The following CACNA1D variants were observed in gnomAD, a reference collection of about 807,000 sequenced individuals.
The protein encoded by CACNA1D is calcium voltage-gated channel subunit alpha1 D.
In CACNA1D, 55 loss-of-function variants were observed where a neutral mutation model predicts 257.1. The ratio of observed to expected loss-of-function variants is 0.21; its 90% CI spans 0.17 to 0.27. The LOEUF (loss-of-function observed/expected upper bound fraction) is 0.27. Among genes scored for constraint, CACNA1D ranks in the 10% least tolerant of loss-of-function variants. The pLI, the probability that CACNA1D is intolerant of heterozygous loss-of-function variation, is 1.00. For missense variants in CACNA1D, 1,876 were observed against 2,784.0 expected (o/e 0.67, Z 7.34); for synonymous variants, 980 against 1,014.9 (o/e 0.97, Z 0.65).
intron 40 of CACNA1D, chr3:53,792,397 C>G (rs947073079): frequency 6.6e-6 from 1 of 152,122 alleles, no homozygotes; most frequent in Non-Finnish European, 1.5e-5. Flanking sequence ...TCAAAGTAGC[C>G]ATAGTGCAGA....
intron 17 of CACNA1D, 43 bp from the exon 18 acceptor site, chr3:53,731,973 T>C: frequency 1.6e-6 from 2 of 1,289,550 alleles, no homozygotes; most frequent in Non-Finnish European, 2.3e-6. Context: ...GAAGTGATTT[T>C]AAGTCAGTCT....
chr3:53,665,617 T>G lies in CACNA1D; in HGVS notation c.767-43T>G, dbSNP rs1160869693. The G allele has an allele frequency of 2.0e-6, 3 of 1,514,810 alleles. No homozygotes were observed. The South Asian group carries it at 3.4e-5, about 17-fold the overall frequency. 93.8% of individuals were successfully genotyped at this position (1,514,810 alleles called of 1,614,324 possible). On this transcript the variant is annotated intron_variant, in intron 5 of 47. Coordinates refer to ENST00000350061, the MANE Select transcript of CACNA1D (RefSeq NM_001128840.3). Reference sequence around the variant, plus strand: ...GAATTATATATATGATTCATTGGAGTGCCTTCCTGGCTCACAAACTTATTT... The same window carrying G: ...GAATTATATATATGATTCATTGGAGGGCCTTCCTGGCTCACAAACTTATTT...
At chr3:53,674,434 T>G (rs974757612) in intron 8 of CACNA1D, among the ~76,000 whole-genome samples, 1 of 152,266 alleles carries the variant, frequency 6.6e-6, no homozygotes, top group African/African-American at 2.4e-5. Context: ...TGCAGAGTGA[T>G]GATCGACTTT....
intron 9 of CACNA1D, among the ~76,000 whole-genome samples, chr3:53,705,495 G>A (rs1238834112): frequency 2.6e-5 from 4 of 152,172 alleles, no homozygotes; most frequent in East Asian, 1.9e-4. Flanking sequence ...GCTATGCACC[G>A]TGATGTGTGA....
At chr3:53,809,567 C>T in intron 46 of CACNA1D, 1 of 289,268 alleles carries the variant, frequency 3.5e-6, no homozygotes, top group Admixed American at 4.5e-5. Context: ...TACTCCAGAG[C>T]AAAGAGAACC....
intron 45 of CACNA1D, 62 bp downstream of exon 45, chr3:53,805,208 C>G: frequency 1.3e-6 from 2 of 1,503,240 alleles, no homozygotes; most frequent in Non-Finnish European, 1.8e-6. Flanking sequence ...TCTCCCCCAA[C>G]CCCCGCTCTG....
At chr3:53,808,959 A>G (rs1469827304) in intron 46 of CACNA1D, 189 bp downstream of exon 46, 2 of 637,900 alleles carry the variant, frequency 3.1e-6, no homozygotes, top group Admixed American at 5.9e-5. Flanking sequence ...GCCCAAGCTC[A>G]CACAAGTGAC....
chr3:53,749,133 C>T, intron 26 of CACNA1D, 135 bp from the exon 27 acceptor site: 1 of 719,646 alleles, frequency 1.4e-6, no homozygotes, highest in Non-Finnish European at 2.5e-6. Flanking sequence ...CTGGTTGTGT[C>T]CAGCAGCCTT....
chr3:53,680,985 T>G (rs1274287596), intron 8 of CACNA1D, among the ~76,000 whole-genome samples: 1 of 151,342 alleles, frequency 6.6e-6, no homozygotes, highest in Non-Finnish European at 1.5e-5. Context: ...GGATTTCATT[T>G]TAATGTTTCA....
intron 9 of CACNA1D, among the ~76,000 whole-genome samples, chr3:53,708,269 C>T (rs1197728894): frequency 2.0e-5 from 3 of 152,228 alleles, no homozygotes; most frequent in Non-Finnish European, 2.9e-5. Context: ...CATTGAACTA[C>T]CTCAAGGCAC....
intron 9 of CACNA1D, among the ~76,000 whole-genome samples, chr3:53,705,075 C>T (rs565424349): frequency 6.6e-5 from 10 of 152,316 alleles, no homozygotes; most frequent in Admixed American, 6.5e-4. Flanking sequence ...AATGACTCTG[C>T]CTTTCAGAGA....
intron 31 of CACNA1D, 88 bp from the exon 32 acceptor site, chr3:53,770,336 T>C: frequency 8.0e-7 from 1 of 1,248,684 alleles, no homozygotes; most frequent in South Asian, 1.2e-5. Context: ...TTCTTACCTC[T>C]GTCACCTTTG....
chr3:53,648,027 T>C (rs964399694), intron 3 of CACNA1D, among the ~76,000 whole-genome samples: 1 of 152,198 alleles, frequency 6.6e-6, no homozygotes, highest in African/African-American at 2.4e-5. Flanking sequence ...GGCCCTTGTG[T>C]TATTGTGGCA....
chr3:53,563,350 C>G (rs1197364809), intron 3 of CACNA1D, among the ~76,000 whole-genome samples: 1 of 152,104 alleles, frequency 6.6e-6, no homozygotes, highest in East Asian at 1.9e-4. Flanking sequence ...ATGATGAAAC[C>G]CCATCTCTAC....
At chr3:53,571,171 A>G (rs922851417) in intron 3 of CACNA1D, among the ~76,000 whole-genome samples, 1 of 152,172 alleles carries the variant, frequency 6.6e-6, no homozygotes, top group African/African-American at 2.4e-5. Context: ...GTTGTGGGGA[A>G]GTATCTGAAT....
intron 8 of CACNA1D, among the ~76,000 whole-genome samples, chr3:53,676,321 C>T (rs1483927946): frequency 6.6e-6 from 1 of 152,148 alleles, no homozygotes; most frequent in Non-Finnish European, 1.5e-5. Context: ...CTACTCCCCT[C>T]TTACTTTCCC....
intron 8 of CACNA1D, among the ~76,000 whole-genome samples, chr3:53,693,930 A>G (rs1437349551): frequency 6.6e-6 from 1 of 152,250 alleles, no homozygotes; most frequent in African/African-American, 2.4e-5. Context: ...ACACAAGAAA[A>G]AAAAATCCTG....
intron 8 of CACNA1D, among the ~76,000 whole-genome samples, chr3:53,687,699 C>G (rs1449100780): frequency 6.6e-6 from 1 of 152,052 alleles, no homozygotes; most frequent in African/African-American, 2.4e-5. Context: ...GGAAACCACA[C>G]TGGGAGAAAA....
At chr3:53,688,593 G>T (rs942543773) in intron 8 of CACNA1D, among the ~76,000 whole-genome samples, 1 of 152,152 alleles carries the variant, frequency 6.6e-6, no homozygotes, top group Admixed American at 6.5e-5. Flanking sequence ...GGTCATTTCT[G>T]TGAGCTGGAA....
Sources: allele counts gnomAD v4.1 joint callset (sites outside exome capture counted in the v4.1 genomes callset), GRCh38; gene constraint gnomAD v4.1.1; transcripts MANE v1.5; gene names NCBI Gene and HGNC (gene_info 2026-07-23, HGNC 2026-07-21).